The following ZIM3 variants were observed in gnomAD, a reference collection of about 807,000 sequenced individuals.
The protein encoded by ZIM3 is zinc finger protein 657.
Under a neutral mutation model 12.9 loss-of-function variants are expected in ZIM3, and 11 were observed. The ratio of observed to expected loss-of-function variants is 0.85; its 90% CI spans 0.54 to 1.41. ZIM3 has a LOEUF of 1.41. Among genes scored for constraint, ZIM3 ranks in the 40% most tolerant of loss-of-function variants. The pLI is 0.00. For synonymous variants in ZIM3, 205 were observed against 198.5 expected (o/e 1.03, Z -0.28); for missense variants, 604 against 557.2 (o/e 1.08, Z -0.85).
Position 57,142,673 on chromosome 19 carries a change from T to C in ZIM3, c.-30A>G. ...TGTTCTTCACCAGTCAGTAAAGTCT[T>C]GGGAAGGCAGATCTGAGGGAAAATG... is the stretch of plus-strand genomic sequence containing the variant. On this transcript the variant is annotated 5_prime_UTR_variant, in exon 2 of 5. Coordinates refer to ENST00000269834, the MANE Select transcript of ZIM3 (RefSeq NM_052882.1). The C allele has an allele frequency of 2.5e-6, 4 of 1,611,444 alleles. No individual in the cohort carries two copies. The highest frequency in any genetic ancestry group is 1.1e-5 in the South Asian group (1 of 90,526).
At position 57,135,433 on chromosome 19, in the gene ZIM3, T is replaced by G; in HGVS notation, c.904A>C (p.Thr302Pro). 1 of 1,614,170 alleles carries G rather than the reference T, an allele frequency of 6.2e-7. No individual in the cohort carries two copies. Among genetic ancestry groups the G allele is most frequent in the Non-Finnish European group, 8.5e-7 (1 of 1,180,042 alleles). Residue 302 changes from threonine to proline, a missense_variant, in exon 5 of 5, where the codon ACT becomes CCT. By Grantham distance (38) the Thr-to-Pro change is conservative. Transcript: ENST00000269834. ...GTACATTGAAAGGGTTTTTGTCCAG[T>G]GTGAACTTTTTTATGTTGAATGAGG... ...STLIQHKKVHTGQKPFQCTDC... is the reference protein window; with the variant it reads ...STLIQHKKVHPGQKPFQCTDC...
At chr19:57,137,016 AGTT>A (rs746343807) in intron 3 of ZIM3, 45 bp from the exon 4 acceptor site, 8 of 1,595,566 alleles carry the variant, frequency 5.0e-6, no homozygotes, top group Admixed American at 3.3e-5. Context: ...TGGATGTGTG[AGTT>A]GTTTGTGCAA....
Position 57,135,284 on chromosome 19 carries a change from G to A in ZIM3, c.1053C>T (p.Ile351=), listed in dbSNP as rs142254769. The A allele has an allele frequency of 1.1e-4, 178 of 1,613,894 alleles. No homozygotes were observed. Among genetic ancestry groups the A allele is most frequent in the Middle Eastern group, 1.6e-4 (1 of 6,084 alleles). The stretch of plus-strand genomic sequence containing the variant: ...TCCCAGTGTGAATTTTCTCATGATC[G>A]ATGACATTGGATTTCTGGGAAAAGG... ...EKAFSQKSNV[I]DHEKIHTGKR... is the part of the protein sequence containing the mutation. The change falls in exon 5 of 5, where the codon ATC becomes ATT. Residue 351 remains isoleucine (I), a synonymous_variant. Transcript: ENST00000269834.
intron 1 of ZIM3, 111 bp from the exon 2 acceptor site, chr19:57,142,796 C>T (rs2086919405): frequency 1.3e-6 from 1 of 774,036 alleles, no homozygotes; most frequent in African/African-American, 1.8e-5. Flanking sequence ...CTAACCCACT[C>T]AGAAAAGCCC....
At chr19:57,137,040 G>T in intron 3 of ZIM3, 69 bp from the exon 4 acceptor site, 2 of 1,446,024 alleles carry the variant, frequency 1.4e-6, no homozygotes, top group Non-Finnish European at 1.9e-6. Context: ...GTGTATGAGT[G>T]TATATAAGCG....
At chr19:57,139,164 T>C (rs1274387255) in intron 2 of ZIM3, among the ~76,000 whole-genome samples, 9 of 151,582 alleles carry the variant, frequency 5.9e-5, no homozygotes, top group African/African-American at 2.2e-4. Flanking sequence ...CCATCTCTAC[T>C]AAAAATACAA....
intron 4 of ZIM3, 37 bp from the exon 5 acceptor site, chr19:57,136,132 G>T: frequency 1.3e-6 from 2 of 1,540,304 alleles, no homozygotes. Flanking sequence ...TGTGTAAAAC[G>T]TTCCACTCAC....
At position 57,135,537 on chromosome 19, in the gene ZIM3, A is replaced by T. The variant is rs1330507973; in HGVS notation, c.800T>A (p.Ile267Asn). The change falls in exon 5 of 5, where the codon ATT becomes AAT. Residue 267 changes from isoleucine (I) to asparagine (N), a missense_variant. Transcript: ENST00000269834. ...GKAFSWKSSC[I>N]NHEKIHNAKK... is the part of the protein sequence containing the mutation. ...GGCATTATGAATTTTCTCATGATTA[A>T]TGCAGGATGATTTCCAGGAAAAGGC... 2 of 1,613,986 alleles carry T rather than the reference A, an allele frequency of 1.2e-6. No individual in the cohort carries two copies. The highest frequency in any genetic ancestry group is 1.7e-6 in the Non-Finnish European group (2 of 1,179,978).
intron 4 of ZIM3, among the ~76,000 whole-genome samples, chr19:57,136,340 G>C (rs994193896): frequency 6.6e-6 from 1 of 152,058 alleles, no homozygotes; most frequent in Non-Finnish European, 1.5e-5. Flanking sequence ...TGAGAGCCTA[G>C]GGATACCAGG....
intron 2 of ZIM3, among the ~76,000 whole-genome samples, chr19:57,140,823 C>T (rs1219688251): frequency 1.3e-5 from 2 of 152,096 alleles, no homozygotes; most frequent in African/African-American, 4.8e-5. Flanking sequence ...TTAATTTTAA[C>T]AATTGCAAAG....
intron 4 of ZIM3, 137 bp from the exon 5 acceptor site, chr19:57,136,232 GCT>G: frequency 2.6e-6 from 2 of 770,480 alleles, no homozygotes; most frequent in Non-Finnish European, 4.2e-6. Context: ...GTTAATATAA[GCT>G]CTGTTAGAGT....
intron 1 of ZIM3, among the ~76,000 whole-genome samples, chr19:57,143,144 G>A (rs539803872): frequency 5.3e-5 from 8 of 152,152 alleles, no homozygotes; most frequent in Non-Finnish European, 8.8e-5. Flanking sequence ...TGGCCAACAC[G>A]GTGAAACCCT....
intron 1 of ZIM3, among the ~76,000 whole-genome samples, chr19:57,143,126 G>A (rs1004041808): frequency 2.0e-5 from 3 of 152,128 alleles, no homozygotes; most frequent in Admixed American, 6.5e-5. Flanking sequence ...AGGAGATCAA[G>A]ACCATCCTGG....
At chr19:57,144,193 G>A (rs912299551) in intron 1 of ZIM3, among the ~76,000 whole-genome samples, 3 of 151,754 alleles carry the variant, frequency 2.0e-5, no homozygotes, top group Non-Finnish European at 2.9e-5. Flanking sequence ...TTAAGACTAT[G>A]GGTGCATGCT....
At chr19:57,141,244 A>C (rs1409019665) in intron 2 of ZIM3, among the ~76,000 whole-genome samples, 3 of 151,934 alleles carry the variant, frequency 2.0e-5, no homozygotes, top group African/African-American at 4.8e-5. Flanking sequence ...AAAATACAAA[A>C]ATTAGCCGGG....
intron 1 of ZIM3, among the ~76,000 whole-genome samples, chr19:57,143,223 C>G (rs8112878): frequency 0.037 from 5,587 of 151,516 alleles, 345 homozygotes; most frequent in African/African-American, 0.13. Flanking sequence ...CCCAGCTACT[C>G]GGGAGGCTGA....
rs1305153551 is a variant in ZIM3, at chr19:57,138,034, AGAAG to A, written c.142+434_142+437del. On this transcript the variant is annotated intron_variant, in intron 3 of 4. Coordinates refer to ENST00000269834, the MANE Select transcript of ZIM3 (RefSeq NM_052882.1). ...AGGAAGGAAGGAAAGAAGGAAGGAA[AGAAG>A]GAAGGAAGGAAGGAAAGAAGGAAGG... is the stretch of plus-strand genomic sequence containing the variant. Among the ~76,000 whole-genome samples the A allele has an allele frequency of 1.1e-3, 24 of 21,806 alleles. 6 individuals carry two copies. The highest frequency in any genetic ancestry group is 2.4e-3 in the African/African-American group (10 of 4,112). 14.3% of individuals were successfully genotyped at this position (21,806 alleles called of 152,430 possible). A position where few individuals can be genotyped will look rare whatever the true frequency, so the allele number is the denominator to read the frequency against.
In ZIM3 at chr19:57,135,170, C is replaced by T; in HGVS notation, c.1167G>A (p.Lys389=). 6.2e-7 allele frequency: 1 copy of T among 1,613,994 alleles called. No individual in the cohort carries two copies. Among genetic ancestry groups the T allele is most frequent in the South Asian group, 1.1e-5 (1 of 91,068 alleles). ...TTCCACATCTGTTACATTCATAGGGCTTTTCCCCAGTATGGATTTTTTTAT... is the reference window on the plus strand; with the variant it reads ...TTCCACATCTGTTACATTCATAGGGTTTTTCCCCAGTATGGATTTTTTTAT... ...IQHKKIHTGE[K]PYECNRCGKA... Residue 389 remains lysine (K), a synonymous_variant, in exon 5 of 5, where the codon AAG becomes AAA. Coordinates refer to ENST00000269834, the MANE Select transcript of ZIM3 (RefSeq NM_052882.1).
chr19:57,140,772 T>A (rs895797980), intron 2 of ZIM3, among the ~76,000 whole-genome samples: 1 of 152,158 alleles, frequency 6.6e-6, no homozygotes, highest in Non-Finnish European at 1.5e-5. Flanking sequence ...ACACCCAGCC[T>A]TAGTATGCCT....
Sources: allele counts gnomAD v4.1 joint callset (sites outside exome capture counted in the v4.1 genomes callset), GRCh38; gene constraint gnomAD v4.1.1; transcripts MANE v1.5; gene names NCBI Gene and HGNC (gene_info 2026-07-23, HGNC 2026-07-21).